Variants in MYRIP observed in about 807,000 individuals in gnomAD.
MYRIP encodes the protein rab effector MyRIP.
MYRIP carries 49 observed loss-of-function variants against 98.0 expected under a neutral mutation model. The observed-to-expected ratio is 0.50, with a 90% CI of 0.40 to 0.63. The LOEUF is 0.63. Ranked by LOEUF, MYRIP falls within the 30% of genes least tolerant of loss-of-function variation. The pLI is 0.00. For missense variants in MYRIP, 1,004 were observed against 1,058.2 expected (o/e 0.95, Z 0.71); for synonymous variants, 404 against 409.5 (o/e 0.99, Z 0.16).
At chr3:39,920,004 A>C (rs1944272516) in intron 2 of MYRIP, among the ~76,000 whole-genome samples, 1 of 152,168 alleles carries the variant, frequency 6.6e-6, no homozygotes, top group African/African-American at 2.4e-5. Context: ...TCACCATACA[A>C]GGAAGATGAT....
At chr3:39,928,729 C>T (rs948553475) in intron 2 of MYRIP, among the ~76,000 whole-genome samples, 1 of 151,830 alleles carries the variant, frequency 6.6e-6, no homozygotes, top group Admixed American at 6.6e-5. Flanking sequence ...TACCACTGTA[C>T]TTATTGGTGG....
At chr3:40,072,731 T>C (rs1226293264) in intron 3 of MYRIP, among the ~76,000 whole-genome samples, 1 of 152,220 alleles carries the variant, frequency 6.6e-6, no homozygotes, top group East Asian at 1.9e-4. Context: ...TGAATAGATA[T>C]CAGAGAACTC....
At chr3:40,218,616 A>C (rs1444378212) in intron 11 of MYRIP, among the ~76,000 whole-genome samples, 1 of 8,182 alleles carries the variant, frequency 1.2e-4, no homozygotes, top group Non-Finnish European at 5.6e-4. Flanking sequence ...TATATTTTAT[A>C]TATATATATA....
At chr3:40,017,437 C>T (rs1377223532) in intron 2 of MYRIP, among the ~76,000 whole-genome samples, 1 of 152,172 alleles carries the variant, frequency 6.6e-6, no homozygotes, top group Non-Finnish European at 1.5e-5. Context: ...AGGGCTTGCT[C>T]AGGATGAGGC....
intron 12 of MYRIP, among the ~76,000 whole-genome samples, chr3:40,237,806 G>T (rs1476509419): frequency 6.6e-6 from 1 of 152,118 alleles, no homozygotes; most frequent in Non-Finnish European, 1.5e-5. Context: ...TACAAGTATG[G>T]TACCAAAAAA....
chr3:40,103,335 A>G (rs1948987027), intron 3 of MYRIP, among the ~76,000 whole-genome samples: 1 of 152,192 alleles, frequency 6.6e-6, no homozygotes, highest in Admixed American at 6.5e-5. Context: ...GAACTCTCAT[A>G]CATACTCTTA....
chr3:39,872,627 GA>G (rs777256460), intron 1 of MYRIP, among the ~76,000 whole-genome samples: 10 of 151,664 alleles, frequency 6.6e-5, no homozygotes, highest in Admixed American at 2.6e-4. Flanking sequence ...TGAGAATGAT[GA>G]TTTCCAATTT....
At chr3:40,159,182 C>T (rs1254974880) in intron 4 of MYRIP, among the ~76,000 whole-genome samples, 2 of 151,946 alleles carry the variant, frequency 1.3e-5, no homozygotes, top group African/African-American at 4.8e-5. Context: ...TCTTTTAGGG[C>T]AGGCCTGGTG....
At chr3:40,158,314 G>A (rs144425993) in intron 4 of MYRIP, among the ~76,000 whole-genome samples, 16,748 of 152,206 alleles carry the variant, frequency 0.11, 1,081 homozygotes, top group East Asian at 0.21. Context: ...TTTTGAGTGA[G>A]ATTCTTAATC....
chr3:39,922,412 C>A (rs1280504547), intron 2 of MYRIP, among the ~76,000 whole-genome samples: 1 of 152,178 alleles, frequency 6.6e-6, no homozygotes, highest in African/African-American at 2.4e-5. Flanking sequence ...AGTAATGAGC[C>A]CTTCACCTCT....
intron 1 of MYRIP, among the ~76,000 whole-genome samples, chr3:39,878,150 A>G (rs1234550114): frequency 1.3e-5 from 2 of 152,122 alleles, no homozygotes; most frequent in Non-Finnish European, 2.9e-5. Context: ...CCTCCGAGCC[A>G]TATGCGGGAT....
At chr3:39,840,195 T>G (rs2125593507) in intron 1 of MYRIP, among the ~76,000 whole-genome samples, 2 of 152,366 alleles carry the variant, frequency 1.3e-5, no homozygotes, top group Non-Finnish European at 2.9e-5. Flanking sequence ...TTAGCTCTTC[T>G]TGTCACAGTG....
chr3:39,872,428 C>G (rs531917435), intron 1 of MYRIP, among the ~76,000 whole-genome samples: 2 of 151,906 alleles, frequency 1.3e-5, no homozygotes, highest in African/African-American at 4.8e-5. Context: ...TGTTGGTATG[C>G]TGCACCCATT....
intron 9 of MYRIP, among the ~76,000 whole-genome samples, chr3:40,188,615 T>G (rs926689080): frequency 2.0e-5 from 3 of 152,130 alleles, no homozygotes; most frequent in Non-Finnish European, 2.9e-5. Context: ...CCGCCTCTAC[T>G]AAAAATGCAT....
At chr3:40,155,726 A>T (rs1350239313) in intron 4 of MYRIP, among the ~76,000 whole-genome samples, 1 of 151,798 alleles carries the variant, frequency 6.6e-6, no homozygotes, top group East Asian at 1.9e-4. Context: ...TTTGATTTGC[A>T]TTTCTCTGAT....
intron 3 of MYRIP, among the ~76,000 whole-genome samples, chr3:40,074,397 C>T (rs1288288352): frequency 6.6e-6 from 1 of 152,104 alleles, no homozygotes; most frequent in Non-Finnish European, 1.5e-5. Context: ...CAAAGAAAAA[C>T]TCACAAAGGA....
At chr3:40,009,659 G>T (rs921216782) in intron 2 of MYRIP, among the ~76,000 whole-genome samples, 1 of 152,150 alleles carries the variant, frequency 6.6e-6, no homozygotes, top group African/African-American at 2.4e-5. Flanking sequence ...CTGCCTCCTG[G>T]AATCAGAAAC....
rs1343099295 is a variant in MYRIP, at chr3:40,129,641, T to C, written c.333-21407T>C. 2.0e-5 allele frequency among the ~76,000 whole-genome samples: 3 copies of C among 151,958 alleles called. No individual in the cohort carries two copies. In the East Asian group the frequency reaches 5.8e-4, roughly 29 times the overall value. ...CACGCTGCTAGTCTGAGAACCACAC[T>C]GGGAATAGCAAGATCTTCAGCATAT... On this transcript the variant is annotated intron_variant, in intron 3 of 16. Transcript: ENST00000302541.
chr3:39,956,706 CA>C (rs1210881499), intron 2 of MYRIP, among the ~76,000 whole-genome samples: 1 of 148,958 alleles, frequency 6.7e-6, no homozygotes, highest in South Asian at 2.1e-4. Flanking sequence ...AATAGAGACA[CA>C]AAAAACCCTT....
Sources: gnomAD v4.1 joint callset for allele counts (sites outside exome capture counted in the v4.1 genomes callset) on GRCh38, gnomAD v4.1.1 for gene constraint, MANE v1.5 for transcripts, NCBI Gene and HGNC (gene_info 2026-07-23, HGNC 2026-07-21) for gene names.